The following RPH3A variants were observed in gnomAD, a reference collection of about 807,000 sequenced individuals.
RPH3A encodes rabphilin 3A.
A neutral mutation model predicts 102.2 loss-of-function variants in RPH3A; 48 were observed. That is an observed-to-expected ratio of 0.47 (90% CI 0.37 to 0.60). The LOEUF (loss-of-function observed/expected upper bound fraction) is 0.60, where lower values mean the gene tolerates loss of function less well. Among genes scored for constraint, RPH3A ranks in the 20% least tolerant of loss-of-function variants. RPH3A has a pLI of 0.00. For missense variants in RPH3A, 781 were observed against 910.1 expected (o/e 0.86, Z 1.83); for synonymous variants, 310 against 324.3 (o/e 0.96, Z 0.47).
chr12:112,717,392 A>G (rs1010050855), intron 1 of RPH3A, among the ~76,000 whole-genome samples: 11 of 152,172 alleles, frequency 7.2e-5, no homozygotes, highest in African/African-American at 2.7e-4. Flanking sequence ...TGTCATACAC[A>G]TGAAATATTG....
intron 1 of RPH3A, among the ~76,000 whole-genome samples, chr12:112,584,354 C>A (rs1166052773): frequency 5.9e-5 from 9 of 152,170 alleles, no homozygotes; most frequent in African/African-American, 2.2e-4. Flanking sequence ...CAACATCATG[C>A]CTCTCACTCT....
At chr12:112,884,015 A>G (rs2042966845) in intron 16 of RPH3A, among the ~76,000 whole-genome samples, 1 of 152,094 alleles carries the variant, frequency 6.6e-6, no homozygotes, top group Non-Finnish European at 1.5e-5. Context: ...CCATATATAT[A>G]TATATGTATG....
intron 1 of RPH3A, among the ~76,000 whole-genome samples, chr12:112,591,969 T>A (rs1327259138): frequency 1.3e-5 from 2 of 152,206 alleles, no homozygotes; most frequent in Non-Finnish European, 2.9e-5. Flanking sequence ...GTCGCTGACA[T>A]AGAATGGTGT....
intron 1 of RPH3A, among the ~76,000 whole-genome samples, chr12:112,588,625 A>G (rs2039455573): frequency 6.6e-6 from 1 of 152,200 alleles, no homozygotes; most frequent in African/African-American, 2.4e-5. Flanking sequence ...GAGATGCTCA[A>G]TGCCTGGGTG....
chr12:112,669,844 TA>T (rs753144707), intron 1 of RPH3A, among the ~76,000 whole-genome samples: 1 of 152,230 alleles, frequency 6.6e-6, no homozygotes, highest in Non-Finnish European at 1.5e-5. Flanking sequence ...GGCTATAGCA[TA>T]ATTTTTTTCA....
chr12:112,671,930 A>ATATG (rs887024846), intron 1 of RPH3A, among the ~76,000 whole-genome samples: 2 of 151,598 alleles, frequency 1.3e-5, no homozygotes, highest in Non-Finnish European at 2.9e-5. Flanking sequence ...ACATACATAT[A>ATATG]TATGTATGTA....
chr12:112,680,610 C>T, intron 1 of RPH3A, among the ~76,000 whole-genome samples: 1 of 152,168 alleles, frequency 6.6e-6, no homozygotes, highest in East Asian at 1.9e-4. Context: ...CCCATCCCAC[C>T]ACCTCTCTAG....
At chr12:112,817,631 T>G (rs1164757444) in intron 2 of RPH3A, among the ~76,000 whole-genome samples, 1 of 152,006 alleles carries the variant, frequency 6.6e-6, no homozygotes, top group Non-Finnish European at 1.5e-5. Flanking sequence ...TTTTAATTAA[T>G]GCCAGCTCTC....
chr12:112,665,330 G>A (rs532903934), intron 1 of RPH3A, among the ~76,000 whole-genome samples: 1 of 152,260 alleles, frequency 6.6e-6, no homozygotes, highest in East Asian at 1.9e-4. Context: ...GCAACAAAAG[G>A]GGACTTAGAA....
chr12:112,869,774 G>A lies in RPH3A; in HGVS notation c.626G>A (p.Arg209Lys). 6.2e-7 allele frequency: 1 copy of A among 1,614,170 alleles called. No homozygotes were observed. Among genetic ancestry groups the A allele is most frequent in the Non-Finnish European group, 8.5e-7 (1 of 1,180,022 alleles). The change falls in exon 9 of 22, where the codon AGG becomes AAG. Residue 209 changes from arginine to lysine, a missense_variant. Arg to Lys is a conservative substitution (Grantham distance 26). Transcript: ENST00000389385. ...RAPARGDSED[R>K]RGPGQKTGPD... ...CTTTCTCCAGGTGACAGTGAAGATA[G>A]GAGGGGCCCGGGTCAGAAGACAGGT...
At chr12:112,857,030 T>C (rs2042422479) in intron 5 of RPH3A, among the ~76,000 whole-genome samples, 1 of 151,804 alleles carries the variant, frequency 6.6e-6, no homozygotes, top group South Asian at 2.1e-4. Context: ...ATCCTGAAAG[T>C]GAGCACATCT....
intron 1 of RPH3A, among the ~76,000 whole-genome samples, chr12:112,758,323 A>G (rs2040834345): frequency 6.6e-6 from 1 of 152,108 alleles, no homozygotes; most frequent in Non-Finnish European, 1.5e-5. Context: ...CTGGGATTGC[A>G]TTCCCCAATA....
At chr12:112,727,271 A>G (rs1309786124) in intron 1 of RPH3A, among the ~76,000 whole-genome samples, 1 of 151,244 alleles carries the variant, frequency 6.6e-6, no homozygotes, top group Non-Finnish European at 1.5e-5. Context: ...CATGCCTGTA[A>G]TCTCAGCGAC....
rs749571110 is a variant in RPH3A at position 112,883,373 on chromosome 12, C to T, written c.1407C>T (p.Thr469=). Residue 469 remains threonine, a synonymous_variant, in exon 16 of 22, where the codon ACC becomes ACT. Coordinates refer to ENST00000389385, the MANE Select transcript of RPH3A (RefSeq NM_001143854.2). ...WNETLVYHGI[T]DEDMQRKTLR... is the part of the protein sequence containing the mutation. ...AGACCCTCGTGTATCACGGCATCACCGATGAGGACATGCAAAGGAAGACCC... is the reference window on the plus strand; with the variant it reads ...AGACCCTCGTGTATCACGGCATCACTGATGAGGACATGCAAAGGAAGACCC... 52 of 1,613,888 alleles carry T rather than the reference C, an allele frequency of 3.2e-5. No homozygotes were observed. The highest frequency in any genetic ancestry group is 1.7e-4 in the Admixed American group (10 of 59,998).
At chr12:112,685,223 C>CCT (rs2040255004) in intron 1 of RPH3A, among the ~76,000 whole-genome samples, 1 of 152,202 alleles carries the variant, frequency 6.6e-6, no homozygotes, top group Non-Finnish European at 1.5e-5. Flanking sequence ...AGGCATAAGC[C>CCT]ATTGCACCTG....
At chr12:112,839,236 A>G (rs533602887) in intron 4 of RPH3A, among the ~76,000 whole-genome samples, 1 of 152,302 alleles carries the variant, frequency 6.6e-6, no homozygotes, top group East Asian at 1.9e-4. Context: ...CATGGTAAAC[A>G]TTATACAACT....
chr12:112,860,238 T>C (rs1056163823), intron 5 of RPH3A, among the ~76,000 whole-genome samples: 7 of 152,232 alleles, frequency 4.6e-5, no homozygotes, highest in Non-Finnish European at 7.3e-5. Context: ...GGAAGCTCCC[T>C]GCTCATTCTC....
chr12:112,844,182 C>G (rs2042193398), intron 4 of RPH3A, among the ~76,000 whole-genome samples: 1 of 152,150 alleles, frequency 6.6e-6, no homozygotes, highest in Non-Finnish European at 1.5e-5. Context: ...AGCCTTGCTT[C>G]TAGCCTACAG....
intron 5 of RPH3A, among the ~76,000 whole-genome samples, chr12:112,859,099 C>T (rs2042465080): frequency 6.6e-6 from 1 of 152,180 alleles, no homozygotes; most frequent in Non-Finnish European, 1.5e-5. Flanking sequence ...TAAACAAAAC[C>T]AGGCAGGCAA....
Sources: gnomAD v4.1 joint callset for allele counts (sites outside exome capture counted in the v4.1 genomes callset) on GRCh38, gnomAD v4.1.1 for gene constraint, MANE v1.5 for transcripts, NCBI Gene and HGNC (gene_info 2026-07-23, HGNC 2026-07-21) for gene names.